KSR2: variants seen among roughly 807,000 people sequenced by gnomAD.
KSR2 encodes the protein kinase suppressor of ras 2.
In KSR2, 25 loss-of-function variants were observed where a neutral mutation model predicts 107.8. The ratio of observed to expected loss-of-function variants is 0.23; its 90% CI spans 0.17 to 0.32. The LOEUF is 0.32. KSR2 is among the 10% of genes least tolerant of loss of function. The pLI is 1.00. For missense variants in KSR2, 887 were observed against 1,268.9 expected, an observed-to-expected ratio of 0.70 and a Z score of 4.57; for synonymous variants, 480 against 507.0, an observed-to-expected ratio of 0.95 and a Z score of 0.71.
chr12:117,477,544 C>CAAAT (rs1871865789), intron 16 of KSR2, among the ~76,000 whole-genome samples: 1 of 152,066 alleles, frequency 6.6e-6, no homozygotes, highest in African/African-American at 2.4e-5. Flanking sequence ...AAGCATCGTA[C>CAAAT]AAATAATTAA....
intron 7 of KSR2, 142 bp downstream of exon 7, chr12:117,578,977 T>C (rs753254996): frequency 4.3e-5 from 29 of 682,236 alleles, no homozygotes; most frequent in African/African-American, 1.6e-4. Context: ...TACAGGTGCA[T>C]TTCCAATCTA....
chr12:117,838,269 G>A (rs186199508), intron 3 of KSR2, among the ~76,000 whole-genome samples: 6 of 152,348 alleles, frequency 3.9e-5, no homozygotes, highest in East Asian at 1.9e-4. Context: ...CCAGATTCAC[G>A]CAATTCTCCT....
At chr12:117,931,226 A>T (rs1215919844) in intron 1 of KSR2, among the ~76,000 whole-genome samples, 1 of 152,104 alleles carries the variant, frequency 6.6e-6, no homozygotes, top group Admixed American at 6.6e-5. Flanking sequence ...CAAGCATAAG[A>T]CACAGATAGC....
intron 3 of KSR2, among the ~76,000 whole-genome samples, chr12:117,772,655 A>G (rs1889544862): frequency 1.4e-5 from 2 of 142,134 alleles, no homozygotes; most frequent in Non-Finnish European, 3.1e-5. Context: ...CATACACACC[A>G]TTCTCCCAAA....
Position 117,576,235 on chromosome 12 carries a change from C to A in KSR2, c.1325+2884G>T, listed in dbSNP as rs529726019. On this transcript the variant is annotated intron_variant, in intron 7 of 19. Transcript: ENST00000339824. ...ATTACCTGCCTTCAAAGCCTCCACA[C>A]GGCAGGTATGAGGATGTAAGAGTTG... is the stretch of plus-strand genomic sequence containing the variant. Among the ~76,000 whole-genome samples, 19 of 152,308 alleles carry A rather than the reference C, an allele frequency of 1.2e-4. No homozygotes were observed. In the South Asian group the frequency reaches 1.5e-3, roughly 12 times the overall value.
At chr12:117,640,886 C>T (rs1428983270) in intron 5 of KSR2, among the ~76,000 whole-genome samples, 1 of 152,172 alleles carries the variant, frequency 6.6e-6, no homozygotes, top group Non-Finnish European at 1.5e-5. Context: ...CACTTCCCCC[C>T]AAAAGCACCC....
At chr12:117,616,717 ACC>A (rs1477213988) in intron 5 of KSR2, among the ~76,000 whole-genome samples, 1 of 152,124 alleles carries the variant, frequency 6.6e-6, no homozygotes, top group East Asian at 1.9e-4. Context: ...CTTCTGCCCA[ACC>A]TTGCTTCCTT....
intron 1 of KSR2, among the ~76,000 whole-genome samples, chr12:117,933,700 T>G (rs1386552323): frequency 1.3e-5 from 2 of 152,202 alleles, no homozygotes; most frequent in African/African-American, 4.8e-5. Flanking sequence ...GTACTTTGGT[T>G]TATGGTTATG....
At chr12:117,731,744 C>CG (rs1256683689) in intron 4 of KSR2, among the ~76,000 whole-genome samples, 2 of 151,656 alleles carry the variant, frequency 1.3e-5, no homozygotes, top group Non-Finnish European at 2.9e-5. Context: ...CCCCCAACCC[C>CG]GTGCTCTCTG....
chr12:117,574,695 G>T (rs1879156235), intron 7 of KSR2, among the ~76,000 whole-genome samples: 2 of 152,104 alleles, frequency 1.3e-5, no homozygotes, highest in Admixed American at 1.3e-4. Context: ...CACAGCCATT[G>T]CATTTAAGAC....
intron 1 of KSR2, among the ~76,000 whole-genome samples, chr12:117,878,660 T>A (rs1018943203): frequency 6.6e-6 from 1 of 152,062 alleles, no homozygotes; most frequent in African/African-American, 2.4e-5. Flanking sequence ...ATGCGTTGCC[T>A]TATTAGCTAT....
chr12:117,668,449 G>A (rs1884758615), intron 4 of KSR2, among the ~76,000 whole-genome samples: 1 of 152,184 alleles, frequency 6.6e-6, no homozygotes, highest in Non-Finnish European at 1.5e-5. Flanking sequence ...GCAGCTGCCA[G>A]AGATCAGAAG....
chr12:117,901,286 C>T (rs1156804009), intron 1 of KSR2, among the ~76,000 whole-genome samples: 2 of 151,828 alleles, frequency 1.3e-5, no homozygotes, highest in Non-Finnish European at 2.9e-5. Context: ...TATTTTAATG[C>T]CATACTTTTT....
At chr12:117,709,326 G>T (rs546329429) in intron 4 of KSR2, among the ~76,000 whole-genome samples, 2 of 151,928 alleles carry the variant, frequency 1.3e-5, no homozygotes, top group African/African-American at 4.8e-5. Context: ...ACAATCATTG[G>T]GCTATATGTT....
intron 3 of KSR2, among the ~76,000 whole-genome samples, chr12:117,810,911 T>C (rs7296001): frequency 0.11 from 16,675 of 152,172 alleles, 1,354 homozygotes; most frequent in African/African-American, 0.22. Flanking sequence ...GACATGAGAA[T>C]GATGATTGTG....
intron 5 of KSR2, among the ~76,000 whole-genome samples, chr12:117,606,261 C>T (rs963426432): frequency 6.6e-6 from 1 of 151,012 alleles, no homozygotes; most frequent in African/African-American, 2.4e-5. Context: ...TATCTTTCCT[C>T]CCTCCCTTCC....
intron 1 of KSR2, among the ~76,000 whole-genome samples, chr12:117,861,403 TTTTG>T (rs1893286830): frequency 7.0e-6 from 1 of 142,292 alleles, no homozygotes; most frequent in Non-Finnish European, 1.5e-5. Context: ...TTTTTTTTTT[TTTTG>T]AGATGGAGTC....
chr12:117,848,158 A>G (rs1892767752), intron 3 of KSR2, among the ~76,000 whole-genome samples: 2 of 152,206 alleles, frequency 1.3e-5, no homozygotes, highest in African/African-American at 4.8e-5. Flanking sequence ...GAGGCTGAAA[A>G]CCATCAAAAT....
intron 3 of KSR2, among the ~76,000 whole-genome samples, chr12:117,820,875 C>T (rs1384136568): frequency 3.9e-5 from 6 of 152,184 alleles, no homozygotes; most frequent in Admixed American, 1.3e-4. Context: ...AGAGAACTTT[C>T]AAGTTCTCAG....
Sources: gnomAD v4.1 joint callset for allele counts (sites outside exome capture counted in the v4.1 genomes callset) on GRCh38, gnomAD v4.1.1 for gene constraint, MANE v1.5 for transcripts, NCBI Gene and HGNC (gene_info 2026-07-23, HGNC 2026-07-21) for gene names.